The following TXNDC16 variants were observed in gnomAD, a reference collection of about 807,000 sequenced individuals.
TXNDC16 encodes the protein thioredoxin domain-containing protein 16.
In TXNDC16, 74 loss-of-function variants were observed where a neutral mutation model predicts 85.6. The ratio of observed to expected loss-of-function variants is 0.86; its 90% CI spans 0.72 to 1.05. The LOEUF (loss-of-function observed/expected upper bound fraction) is 1.05, where lower values mean the gene tolerates loss of function less well. Ranked by LOEUF, TXNDC16 falls within the 50% of genes least tolerant of loss-of-function variation. The pLI, the probability that TXNDC16 is intolerant of heterozygous loss-of-function variation, is 0.00. For missense variants in TXNDC16, 959 were observed against 947.0 expected, an observed-to-expected ratio of 1.01 and a Z score of -0.17; for synonymous variants, 335 against 326.5, an observed-to-expected ratio of 1.03 and a Z score of -0.28.
intron 12 of TXNDC16, among the ~76,000 whole-genome samples, chr14:52,486,563 T>G (rs1355329633): frequency 6.6e-6 from 1 of 152,160 alleles, no homozygotes; most frequent in African/African-American, 2.4e-5. Context: ...TCATTCTGAT[T>G]CCATTTTGCT....
At chr14:52,483,728 T>G (rs530935741) in intron 12 of TXNDC16, among the ~76,000 whole-genome samples, 1 of 152,336 alleles carries the variant, frequency 6.6e-6, no homozygotes, top group South Asian at 2.1e-4. Context: ...TTCCTTTAGA[T>G]AGACCAATCA....
intron 14 of TXNDC16, among the ~76,000 whole-genome samples, chr14:52,471,781 G>A (rs2035913675): frequency 6.6e-6 from 1 of 151,540 alleles, no homozygotes; most frequent in Non-Finnish European, 1.5e-5. Context: ...TTCAGCCTAA[G>A]AAAACACACA....
chr14:52,449,718 C>T (rs1375000037), intron 18 of TXNDC16, among the ~76,000 whole-genome samples: 1 of 151,972 alleles, frequency 6.6e-6, no homozygotes, highest in African/African-American at 2.4e-5. Flanking sequence ...AGCCTTATAA[C>T]ATTTAAACAA....
chr14:52,544,689 A>G (rs2037905084), intron 1 of TXNDC16, among the ~76,000 whole-genome samples: 1 of 151,690 alleles, frequency 6.6e-6, no homozygotes. Flanking sequence ...TCTCTCTAAC[A>G]AGCCGGTGTT....
At chr14:52,471,662 T>C (rs751089342) in intron 14 of TXNDC16, among the ~76,000 whole-genome samples, 3 of 152,126 alleles carry the variant, frequency 2.0e-5, no homozygotes, top group Non-Finnish European at 4.4e-5. Flanking sequence ...TTATTTATCA[T>C]TGATTTTCCA....
chr14:52,476,564 A>C (rs965126969), intron 14 of TXNDC16, among the ~76,000 whole-genome samples: 1 of 152,124 alleles, frequency 6.6e-6, no homozygotes, highest in Non-Finnish European at 1.5e-5. Context: ...TCAGCAATAG[A>C]ATCAAACAAG....
intron 6 of TXNDC16, among the ~76,000 whole-genome samples, chr14:52,523,821 T>A (rs2037266139): frequency 6.6e-6 from 1 of 152,194 alleles, no homozygotes. Flanking sequence ...GATCTTCCCA[T>A]TTTTAACAAC....
chr14:52,439,900 T>C (rs1186553463), intron 19 of TXNDC16, among the ~76,000 whole-genome samples: 1 of 152,104 alleles, frequency 6.6e-6, no homozygotes, highest in Non-Finnish European at 1.5e-5. Context: ...TAAAGATACT[T>C]AGTTTTCCTA....
At chr14:52,470,901 C>A (rs1041800978) in intron 14 of TXNDC16, among the ~76,000 whole-genome samples, 44 of 152,128 alleles carry the variant, frequency 2.9e-4, no homozygotes, top group African/African-American at 1.1e-3. Flanking sequence ...GGCTCTTCAG[C>A]CAGTAGAGTT....
intron 16 of TXNDC16, among the ~76,000 whole-genome samples, chr14:52,464,094 T>C (rs1386810760): frequency 6.6e-6 from 1 of 152,224 alleles, no homozygotes; most frequent in Non-Finnish European, 1.5e-5. Flanking sequence ...TGTATGTACA[T>C]TTTATCATCA....
At chr14:52,443,573 T>C (rs1053189909) in intron 18 of TXNDC16, among the ~76,000 whole-genome samples, 3 of 152,150 alleles carry the variant, frequency 2.0e-5, no homozygotes, top group Admixed American at 6.5e-5. Context: ...GGGAACATCA[T>C]GAAGATAGGC....
intron 9 of TXNDC16, among the ~76,000 whole-genome samples, chr14:52,491,387 G>A (rs909267433): frequency 2.9e-5 from 4 of 136,198 alleles, no homozygotes; most frequent in Admixed American, 8.3e-5. Context: ...TTGTAGAGAC[G>A]AGGTCTCCCT....
chr14:52,486,058 T>C (rs141019214), intron 12 of TXNDC16, among the ~76,000 whole-genome samples: 6 of 152,260 alleles, frequency 3.9e-5, no homozygotes, highest in Admixed American at 3.9e-4. Flanking sequence ...AATTACATTC[T>C]CAATACCAAA....
At position 52,434,094 on chromosome 14, in the gene TXNDC16, C is replaced by T. The variant is rs999338601; in HGVS notation, c.2195-1507G>A. Among the ~76,000 whole-genome samples the T allele has an allele frequency of 5.9e-5, 9 of 152,190 alleles. No individual in the cohort carries two copies. The South Asian group carries it at 8.3e-4, about 14-fold the overall frequency. ...GTTCCAGCTACTCGGGAGGTTGAGG[C>T]GGAAGGTACACTTGAGCCCAGATGG... On this transcript the variant is annotated intron_variant, in intron 20 of 20. Coordinates refer to ENST00000281741, the MANE Select transcript of TXNDC16 (RefSeq NM_020784.3).
chr14:52,508,187 A>C (rs1049378052), intron 9 of TXNDC16, among the ~76,000 whole-genome samples: 5 of 152,234 alleles, frequency 3.3e-5, no homozygotes, highest in Non-Finnish European at 7.3e-5. Context: ...GCTAATATCC[A>C]GAATCTACAA....
chr14:52,536,832 C>T, intron 5 of TXNDC16, 39 bp from the exon 6 acceptor site: 3 of 1,480,318 alleles, frequency 2.0e-6, no homozygotes, highest in Non-Finnish European at 2.8e-6. Flanking sequence ...TTGAAAAATA[C>T]AAAAAATATT....
At position 52,432,295 on chromosome 14, in the gene TXNDC16, C is replaced by G; in HGVS notation, c.*9G>C. The G allele has an allele frequency of 6.3e-7, 1 of 1,588,896 alleles. No individual in the cohort carries two copies. Among genetic ancestry groups the G allele is most frequent in the Middle Eastern group, 1.7e-4 (1 of 5,822 alleles). On this transcript the variant is annotated 3_prime_UTR_variant, in exon 21 of 21. Coordinates refer to ENST00000281741, the MANE Select transcript of TXNDC16 (RefSeq NM_020784.3). Reference sequence around the variant, plus strand: ...CCAAAAAAATTTTGGAAACCACAGCCCTATAAAATTAGTTCACTTTTGAGC... The same window carrying G: ...CCAAAAAAATTTTGGAAACCACAGCGCTATAAAATTAGTTCACTTTTGAGC...
At chr14:52,508,996 GTA>G (rs940901751) in intron 9 of TXNDC16, among the ~76,000 whole-genome samples, 2 of 152,074 alleles carry the variant, frequency 1.3e-5, no homozygotes, top group Admixed American at 6.5e-5. Flanking sequence ...CATGGCACAT[GTA>G]TATATATGTA....
Position 52,470,030 on chromosome 14 carries a change from T to A in TXNDC16, c.1618+7A>T. 1 of 1,603,180 alleles carries A rather than the reference T, an allele frequency of 6.2e-7. No individual in the cohort carries two copies. The highest frequency in any genetic ancestry group is 8.5e-7 in the Non-Finnish European group (1 of 1,176,470). On this transcript the variant is annotated splice_region_variant and intron_variant, in intron 16 of 20. Coordinates refer to ENST00000281741, the MANE Select transcript of TXNDC16 (RefSeq NM_020784.3). The stretch of plus-strand genomic sequence containing the variant: ...ACTGTATAATTTAAAAGCTCAGCTC[T>A]GCTTACCTGTTTTCATGGTTGGACT...
Sources: gnomAD v4.1 joint callset for allele counts (sites outside exome capture counted in the v4.1 genomes callset) on GRCh38, gnomAD v4.1.1 for gene constraint, MANE v1.5 for transcripts, NCBI Gene and HGNC (gene_info 2026-07-23, HGNC 2026-07-21) for gene names.